Variants in LTBP1 observed in about 807,000 individuals in gnomAD.
LTBP1 encodes the protein latent transforming growth factor beta binding protein 1, also known as latent-transforming growth factor beta-binding protein 1.
In LTBP1, 129 loss-of-function variants were observed where a neutral mutation model predicts 207.6. The observed-to-expected ratio is 0.62, with a 90% CI of 0.54 to 0.72. LTBP1 has a LOEUF of 0.72. LTBP1 is among the 30% of genes least tolerant of loss of function. The pLI is 0.00. For synonymous variants in LTBP1, 963 were observed against 833.7 expected, an observed-to-expected ratio of 1.16 and a Z score of -2.67; for missense variants, 2,281 against 2,217.2, an observed-to-expected ratio of 1.03 and a Z score of -0.58.
chr2:33,030,862 C>G (rs1279618949), intron 3 of LTBP1, among the ~76,000 whole-genome samples: 1 of 151,996 alleles, frequency 6.6e-6, no homozygotes, highest in Admixed American at 6.6e-5. Flanking sequence ...CCTTATGAAG[C>G]AATTTTGTGT....
chr2:33,004,787 A>ATATATATATATATATG (rs1491470797), intron 2 of LTBP1, among the ~76,000 whole-genome samples: 125 of 6,742 alleles, frequency 0.019, 2 homozygotes, highest in Middle Eastern at 0.5. Flanking sequence ...AAAAAAAGGA[A>ATATATATATATATATG]TATATATATA....
At chr2:33,216,878 A>G (rs1425118179) in intron 7 of LTBP1, among the ~76,000 whole-genome samples, 2 of 152,134 alleles carry the variant, frequency 1.3e-5, no homozygotes, top group African/African-American at 4.8e-5. Flanking sequence ...ACACTGGACA[A>G]CCAGTGTTGC....
chr2:33,178,490 A>G (rs1350468445), intron 5 of LTBP1, among the ~76,000 whole-genome samples: 2 of 152,164 alleles, frequency 1.3e-5, no homozygotes, highest in African/African-American at 2.4e-5. Context: ...AGAACATGTT[A>G]TTGAAGCATT....
chr2:33,145,502 T>G (rs1035767095), intron 5 of LTBP1, among the ~76,000 whole-genome samples: 3 of 152,230 alleles, frequency 2.0e-5, no homozygotes, highest in African/African-American at 7.2e-5. Flanking sequence ...TCCTGGCAAG[T>G]TAGGAAGTAT....
At chr2:33,210,959 G>C (rs2090264976) in intron 7 of LTBP1, among the ~76,000 whole-genome samples, 1 of 152,166 alleles carries the variant, frequency 6.6e-6, no homozygotes, top group Non-Finnish European at 1.5e-5. Context: ...GTCTCTACAA[G>C]TATTTTTTGA....
chr2:33,320,544 T>C (rs2094339636), intron 24 of LTBP1, among the ~76,000 whole-genome samples: 1 of 152,122 alleles, frequency 6.6e-6, no homozygotes, highest in Non-Finnish European at 1.5e-5. Context: ...ATTTTCTGAG[T>C]GAAGAAATGA....
chr2:33,196,059 G>A (rs1268431621), intron 7 of LTBP1, among the ~76,000 whole-genome samples: 4 of 152,188 alleles, frequency 2.6e-5, no homozygotes, highest in African/African-American at 7.2e-5. Context: ...CTTAATAGAC[G>A]ACAGTATAGT....
chr2:33,252,849 G>T lies in LTBP1; in HGVS notation c.2167+5G>T. On this transcript the variant is annotated splice_donor_5th_base_variant and intron_variant, in intron 11 of 33. Coordinates refer to ENST00000404816, the MANE Select transcript of LTBP1 (RefSeq NM_206943.4). The stretch of plus-strand genomic sequence containing the variant: ...AATGTCCCCTTCCAGGCACAGGTAA[G>T]ACATGCCCAGCTGTATGCGCACATA... 1 of 1,597,644 alleles carries T rather than the reference G, an allele frequency of 6.3e-7. No individual in the cohort carries two copies. The highest frequency in any genetic ancestry group is 8.6e-7 in the Non-Finnish European group (1 of 1,168,432).
intron 2 of LTBP1, among the ~76,000 whole-genome samples, chr2:32,997,200 C>T (rs1685426199): frequency 6.6e-6 from 1 of 152,022 alleles, no homozygotes; most frequent in Admixed American, 6.6e-5. Context: ...GGAACTTAAT[C>T]TCCATGCTGA....
intron 20 of LTBP1, among the ~76,000 whole-genome samples, chr2:33,296,106 C>T (rs1305926857): frequency 7.2e-5 from 11 of 152,138 alleles, no homozygotes; most frequent in Admixed American, 7.2e-4. Context: ...TATTTCTTCC[C>T]CCATACACTG....
intron 3 of LTBP1, among the ~76,000 whole-genome samples, chr2:33,022,814 T>C (rs2149241532): frequency 6.6e-6 from 1 of 152,322 alleles, no homozygotes; most frequent in African/African-American, 2.4e-5. Context: ...AATTAATGAG[T>C]GTGACTGTGT....
At chr2:33,102,081 G>C (rs2079771570) in intron 3 of LTBP1, among the ~76,000 whole-genome samples, 1 of 152,154 alleles carries the variant, frequency 6.6e-6, no homozygotes, top group African/African-American at 2.4e-5. Context: ...CACATTTGGA[G>C]GTTGTGCAGT....
chr2:33,302,870 C>T (rs2094011378), intron 22 of LTBP1, among the ~76,000 whole-genome samples: 1 of 151,690 alleles, frequency 6.6e-6, no homozygotes, highest in Non-Finnish European at 1.5e-5. Flanking sequence ...CAAGACCAGC[C>T]TGGCCAACAT....
chr2:33,019,954 T>A (rs1203212036), intron 2 of LTBP1, among the ~76,000 whole-genome samples: 3 of 150,462 alleles, frequency 2.0e-5, no homozygotes, highest in Non-Finnish European at 4.4e-5. Context: ...GCTCAAGCGA[T>A]CCTCCCACCA....
chr2:33,397,028 C>A, intron 32 of LTBP1, 105 bp from the exon 33 acceptor site: 1 of 951,054 alleles, frequency 1.1e-6, no homozygotes, highest in Non-Finnish European at 1.6e-6. Flanking sequence ...TATGTATGGA[C>A]ATATATGTGT....
In LTBP1 at chr2:33,021,145, C is replaced by CA; in HGVS notation, c.803dup (p.Met269AspfsTer59). The CA allele has an allele frequency of 6.2e-7, 1 of 1,613,572 alleles. No homozygotes were observed. Among genetic ancestry groups the CA allele is most frequent in the South Asian group, 1.1e-5 (1 of 90,906 alleles). On this transcript the variant is annotated frameshift_variant, in exon 3 of 34. Coordinates refer to ENST00000404816, the MANE Select transcript of LTBP1 (RefSeq NM_206943.4). LOFTEE classifies it high-confidence loss of function. The stretch of plus-strand genomic sequence containing the variant: ...TCTACCAAGAGTCAGCCCTGTGGCC[C>CA]AGATGACCTTAACCCTCAAGCCGAA...
At chr2:33,210,045 C>T (rs2090188104) in intron 7 of LTBP1, among the ~76,000 whole-genome samples, 1 of 152,228 alleles carries the variant, frequency 6.6e-6, no homozygotes, top group Admixed American at 6.5e-5. Context: ...TTGCCATTTA[C>T]CCAGTTGTGG....
chr2:33,003,433 A>G (rs988788323), intron 2 of LTBP1, among the ~76,000 whole-genome samples: 1 of 152,238 alleles, frequency 6.6e-6, no homozygotes, highest in Admixed American at 6.5e-5. Context: ...GCAGCCAGTT[A>G]GTGATGGAAG....
chr2:32,996,779 T>A (rs141394047), intron 2 of LTBP1, among the ~76,000 whole-genome samples: 1 of 152,176 alleles, frequency 6.6e-6, no homozygotes. Flanking sequence ...ACTGTCTAAC[T>A]TGCAAGGGGC....
Sources: allele counts gnomAD v4.1 joint callset (sites outside exome capture counted in the v4.1 genomes callset), GRCh38; gene constraint gnomAD v4.1.1; transcripts MANE v1.5; gene names NCBI Gene and HGNC (gene_info 2026-07-23, HGNC 2026-07-21).